SLC16A12: variants seen among roughly 807,000 people sequenced by gnomAD.
SLC16A12 encodes the protein solute carrier family 16 member 12.
Under a neutral mutation model 42.4 loss-of-function variants are expected in SLC16A12, and 17 were observed. The ratio of observed to expected loss-of-function variants is 0.40; its 90% CI spans 0.27 to 0.60. The LOEUF (loss-of-function observed/expected upper bound fraction) is 0.60. Ranked by LOEUF, SLC16A12 falls within the 20% of genes least tolerant of loss-of-function variation. The pLI, the probability that SLC16A12 is intolerant of heterozygous loss-of-function variation, is 0.42. For missense variants in SLC16A12, 544 were observed against 623.0 expected (o/e 0.87, Z 1.35); for synonymous variants, 224 against 229.4 (o/e 0.98, Z 0.21).
At chr10:89,554,986 A>G (rs1412636509) in intron 2 of SLC16A12, among the ~76,000 whole-genome samples, 2 of 152,126 alleles carry the variant, frequency 1.3e-5, no homozygotes, top group Admixed American at 1.3e-4. Context: ...CCCAGTAGAA[A>G]CACTGGTTGT....
chr10:89,526,043 T>C (rs1036587698), intron 2 of SLC16A12, among the ~76,000 whole-genome samples: 2 of 152,150 alleles, frequency 1.3e-5, no homozygotes, highest in African/African-American at 4.8e-5. Context: ...GGGGCCCCAG[T>C]GATTTGTGCA....
At chr10:89,508,125 G>A (rs1843097659) in intron 2 of SLC16A12, among the ~76,000 whole-genome samples, 1 of 152,062 alleles carries the variant, frequency 6.6e-6, no homozygotes, top group Non-Finnish European at 1.5e-5. Flanking sequence ...CACAGCAATA[G>A]TGGGAGACTT....
At chr10:89,434,505 T>C (rs1014857756) in intron 7 of SLC16A12, among the ~76,000 whole-genome samples, 2 of 152,170 alleles carry the variant, frequency 1.3e-5, no homozygotes, top group African/African-American at 4.8e-5. Context: ...TAAAGATCTG[T>C]ATCATGGAGT....
intron 2 of SLC16A12, among the ~76,000 whole-genome samples, chr10:89,529,519 G>T (rs7897886): frequency 0.14 from 20,671 of 150,648 alleles, 2,309 homozygotes; most frequent in East Asian, 0.31. Flanking sequence ...TTCAGAAGTT[G>T]GGAAACTGAG....
At chr10:89,550,248 C>T (rs975483441) in intron 2 of SLC16A12, among the ~76,000 whole-genome samples, 4 of 152,144 alleles carry the variant, frequency 2.6e-5, no homozygotes, top group African/African-American at 7.2e-5. Context: ...TAAATTAGCA[C>T]GGTGGCTCAC....
chr10:89,474,662 A>G (rs895520123), intron 2 of SLC16A12, among the ~76,000 whole-genome samples: 1 of 152,200 alleles, frequency 6.6e-6, no homozygotes, highest in African/African-American at 2.4e-5. Flanking sequence ...CGGAGGTACC[A>G]GCCAGCACTC....
chr10:89,505,725 T>C (rs1843050169), intron 2 of SLC16A12, among the ~76,000 whole-genome samples: 1 of 152,194 alleles, frequency 6.6e-6, no homozygotes, highest in Non-Finnish European at 1.5e-5. Context: ...CCTCCCCAGA[T>C]ACTGCACTTT....
At chr10:89,440,072 T>TAA (rs1841880196) in intron 5 of SLC16A12, among the ~76,000 whole-genome samples, 1 of 18,888 alleles carries the variant, frequency 5.3e-5, no homozygotes. Context: ...AGACCCTGTC[T>TAA]CAAAAAAAAA....
chr10:89,507,101 T>C (rs968337189), intron 2 of SLC16A12, among the ~76,000 whole-genome samples: 1 of 152,138 alleles, frequency 6.6e-6, no homozygotes, highest in African/African-American at 2.4e-5. Context: ...CTACATTTGA[T>C]TGGTGTACCT....
At chr10:89,460,860 G>A (rs1438995874) in intron 3 of SLC16A12, among the ~76,000 whole-genome samples, 3 of 151,732 alleles carry the variant, frequency 2.0e-5, no homozygotes, top group Admixed American at 6.6e-5. Flanking sequence ...CCCACCAACA[G>A]TGTAAAATCA....
intron 2 of SLC16A12, 117 bp from the exon 3 acceptor site, chr10:89,462,741 T>C (rs1842322890): frequency 3.5e-6 from 4 of 1,142,352 alleles, no homozygotes; most frequent in South Asian, 1.7e-5. Context: ...TTTGTAACTA[T>C]GAATACTAGA....
At chr10:89,444,093 C>G (rs1841959411) in intron 3 of SLC16A12, among the ~76,000 whole-genome samples, 1 of 152,122 alleles carries the variant, frequency 6.6e-6, no homozygotes, top group Non-Finnish European at 1.5e-5. Flanking sequence ...AACTACTGCT[C>G]TAAGGAAGGT....
chr10:89,446,256 A>ATG (rs1842000083), intron 3 of SLC16A12, among the ~76,000 whole-genome samples: 3 of 152,218 alleles, frequency 2.0e-5, no homozygotes, highest in Admixed American at 6.5e-5. Flanking sequence ...AATACAGAGA[A>ATG]CAACACAAAG....
At chr10:89,486,667 AG>A (rs1564586018) in intron 2 of SLC16A12, among the ~76,000 whole-genome samples, 1 of 108,214 alleles carries the variant, frequency 9.2e-6, no homozygotes, top group African/African-American at 4.3e-5. Flanking sequence ...AAGAAAGAAA[AG>A]AAAGAAAGAA....
At chr10:89,529,267 C>T (rs1055043756) in intron 2 of SLC16A12, among the ~76,000 whole-genome samples, 20 of 152,056 alleles carry the variant, frequency 1.3e-4, no homozygotes, top group African/African-American at 4.6e-4. Flanking sequence ...AGTATTCCAT[C>T]AAGCAAAGTG....
At chr10:89,556,611 G>T (rs1843817411) in exon 1 of SLC16A12, 1 of 152,106 alleles carries the variant, frequency 6.6e-6, no homozygotes, top group Admixed American at 6.6e-5. Context: ...GACCTACCTT[G>T]TCTGATCATA....
chr10:89,441,707 A>G (rs1489637740), intron 4 of SLC16A12, among the ~76,000 whole-genome samples: 1 of 152,232 alleles, frequency 6.6e-6, no homozygotes, highest in Non-Finnish European at 1.5e-5. Flanking sequence ...GAGAGAGATC[A>G]TAGACAAATT....
intron 2 of SLC16A12, among the ~76,000 whole-genome samples, chr10:89,495,572 T>A (rs1842912189): frequency 6.6e-6 from 1 of 152,198 alleles, no homozygotes. Context: ...CAAGTTAAAA[T>A]GCATTTAATA....
chr10:89,504,703 G>A (rs573616017), intron 2 of SLC16A12, among the ~76,000 whole-genome samples: 1 of 152,344 alleles, frequency 6.6e-6, no homozygotes, highest in East Asian at 1.9e-4. Flanking sequence ...ACCTTGGTGA[G>A]TGAACAAACC....
Sources: allele counts gnomAD v4.1 joint callset (sites outside exome capture counted in the v4.1 genomes callset), GRCh38; gene constraint gnomAD v4.1.1; transcripts MANE v1.5; gene names NCBI Gene and HGNC (gene_info 2026-07-23, HGNC 2026-07-21).